The following PPIP5K2 variants were observed in gnomAD, a reference collection of about 807,000 sequenced individuals.
The protein encoded by PPIP5K2 is inositol hexakisphosphate and diphosphoinositol-pentakisphosphate kinase 2.
PPIP5K2 carries 105 observed loss-of-function variants against 154.6 expected under a neutral mutation model. The observed-to-expected ratio is 0.68, with a 90% CI of 0.58 to 0.80. The LOEUF (loss-of-function observed/expected upper bound fraction) is 0.80, where lower values mean the gene tolerates loss of function less well. Among genes scored for constraint, PPIP5K2 ranks in the 30% least tolerant of loss-of-function variants. The pLI is 0.00. For synonymous variants in PPIP5K2, 480 were observed against 490.3 expected (o/e 0.98, Z 0.28); for missense variants, 992 against 1,504.6 (o/e 0.66, Z 5.64).
chr5:103,151,738 CAG>C lies in PPIP5K2; in HGVS notation c.1028+367_1028+368del, dbSNP rs565418056. ...ACAAAATTAACATTCATGAAATAAA[CAG>C]AGTAAAATAGAAATATTTAGAATTC... is the stretch of plus-strand genomic sequence containing the variant. On this transcript the variant is annotated intron_variant, in intron 9 of 30. Transcript: ENST00000358359. Among the ~76,000 whole-genome samples, 173 of 152,050 alleles carry C rather than the reference CAG, an allele frequency of 1.1e-3. 1 individual carries two copies. Among genetic ancestry groups the C allele is most frequent in the Admixed American group, 2.0e-3 (30 of 15,296 alleles).
intron 1 of PPIP5K2, among the ~76,000 whole-genome samples, chr5:103,122,817 T>G (rs1230719295): frequency 1.3e-5 from 2 of 152,172 alleles, no homozygotes; most frequent in African/African-American, 4.8e-5. Context: ...CAGTGATGGC[T>G]TGGAAATATT....
At chr5:103,192,361 G>A (rs1801370480) in intron 29 of PPIP5K2, among the ~76,000 whole-genome samples, 1 of 152,070 alleles carries the variant, frequency 6.6e-6, no homozygotes, top group Non-Finnish European at 1.5e-5. Context: ...TCTATAACCT[G>A]CTAGAATGGA....
intron 30 of PPIP5K2, among the ~76,000 whole-genome samples, chr5:103,200,720 C>T (rs1241216743): frequency 6.6e-6 from 1 of 151,942 alleles, no homozygotes; most frequent in East Asian, 1.9e-4. Flanking sequence ...ACTGCAGCCT[C>T]AACCTATCAG....
intron 26 of PPIP5K2, 135 bp from the exon 27 acceptor site, chr5:103,186,185 A>G (rs1367902539): frequency 4.9e-6 from 5 of 1,014,092 alleles, no homozygotes; most frequent in Non-Finnish European, 4.4e-6. Flanking sequence ...TTACAAGAAT[A>G]TTGTGAGCCT....
chr5:103,149,072 T>C, intron 7 of PPIP5K2, 80 bp from the exon 8 acceptor site: 1 of 1,085,402 alleles, frequency 9.2e-7, no homozygotes, highest in East Asian at 3.0e-5. Flanking sequence ...AATTTTTTCA[T>C]TGTATTTGTT....
At chr5:103,176,046 G>A (rs1184911234) in intron 21 of PPIP5K2, among the ~76,000 whole-genome samples, 1 of 151,954 alleles carries the variant, frequency 6.6e-6, no homozygotes, top group Non-Finnish European at 1.5e-5. Flanking sequence ...AATGGATGGG[G>A]TAAAATCTTT....
At chr5:103,161,671 A>T (rs1350166578) in intron 17 of PPIP5K2, among the ~76,000 whole-genome samples, 1 of 152,156 alleles carries the variant, frequency 6.6e-6, no homozygotes, top group African/African-American at 2.4e-5. Context: ...GTGAGATGGT[A>T]TCTCATTGTG....
intron 23 of PPIP5K2, 148 bp downstream of exon 23, chr5:103,178,128 G>T: frequency 1.6e-6 from 1 of 614,474 alleles, no homozygotes; most frequent in Non-Finnish European, 2.9e-6. Context: ...AGTGTGATTT[G>T]TATAGACTGT....
intron 5 of PPIP5K2, among the ~76,000 whole-genome samples, chr5:103,145,771 G>C (rs1026471532): frequency 5.0e-5 from 7 of 140,344 alleles, no homozygotes; most frequent in African/African-American, 1.9e-4. Flanking sequence ...TAGTTAGTGA[G>C]TATAGCAACA....
At chr5:103,182,474 C>G (rs782419609) in intron 24 of PPIP5K2, among the ~76,000 whole-genome samples, 2 of 152,144 alleles carry the variant, frequency 1.3e-5, no homozygotes, top group Admixed American at 6.5e-5. Flanking sequence ...TCCATCATCT[C>G]CATGGATATA....
Position 103,204,455 on chromosome 5 carries a change from T to G in PPIP5K2, c.*2821T>G, listed in dbSNP as rs1277432316. 6.6e-6 allele frequency: 1 copy of G among 152,174 alleles called. No homozygotes were observed. Among genetic ancestry groups the G allele is most frequent in the Non-Finnish European group, 1.5e-5 (1 of 68,052 alleles). The allele number at this position is 152,174 out of a possible 1,614,324, so 9.4% of individuals were successfully genotyped here. The stretch of plus-strand genomic sequence containing the variant: ...AGAATTCTTGCCAGTGGGAACATTT[T>G]TCTTTTTTAGACAAGGTCTCATTCT... On this transcript the variant is annotated 3_prime_UTR_variant, in exon 31 of 31. Transcript: ENST00000358359.
At chr5:103,165,344 A>T (rs183109118) in intron 17 of PPIP5K2, among the ~76,000 whole-genome samples, 1 of 152,086 alleles carries the variant, frequency 6.6e-6, no homozygotes, top group Non-Finnish European at 1.5e-5. Flanking sequence ...CTCTGCAAAA[A>T]CTTAACTACC....
chr5:103,168,681 A>G (rs1261163855), intron 19 of PPIP5K2, among the ~76,000 whole-genome samples: 1 of 151,790 alleles, frequency 6.6e-6, no homozygotes, highest in Non-Finnish European at 1.5e-5. Context: ...ACATTGACAC[A>G]TCACCCAGAG....
At chr5:103,130,744 G>A (rs186810157) in intron 2 of PPIP5K2, among the ~76,000 whole-genome samples, 7 of 152,204 alleles carry the variant, frequency 4.6e-5, no homozygotes, top group Admixed American at 3.3e-4. Flanking sequence ...AAAGCAGAGC[G>A]TCTCTGGCTC....
intron 28 of PPIP5K2, 115 bp from the exon 29 acceptor site, chr5:103,190,727 T>C (rs1327615344): frequency 2.4e-6 from 2 of 846,956 alleles, no homozygotes; most frequent in Non-Finnish European, 3.4e-6. Flanking sequence ...TGTTTGCATG[T>C]GATAGACTGA....
chr5:103,136,913 A>G (rs1244634659), intron 4 of PPIP5K2, 91 bp downstream of exon 4: 4 of 883,424 alleles, frequency 4.5e-6, no homozygotes, highest in Non-Finnish European at 1.9e-6. Context: ...GTGTTTTTGC[A>G]TTATTAATTC....
At chr5:103,120,987 G>A (rs1434489780) in intron 1 of PPIP5K2, 1 of 154,532 alleles carries the variant, frequency 6.5e-6, no homozygotes, top group Non-Finnish European at 1.4e-5. Flanking sequence ...GCCGCACCTA[G>A]TCATTTGGAG....
rs1438026480 is a variant in PPIP5K2 at position 103,146,519 on chromosome 5, T to A, written c.488-8T>A. 1 of 1,607,406 alleles carries A rather than the reference T, an allele frequency of 6.2e-7. No homozygotes were observed. Among genetic ancestry groups the A allele is most frequent in the Non-Finnish European group, 8.5e-7 (1 of 1,177,412 alleles). On this transcript the variant is annotated splice_region_variant and splice_polypyrimidine_tract_variant and intron_variant, in intron 5 of 30. Coordinates refer to ENST00000358359, the MANE Select transcript of PPIP5K2 (RefSeq NM_001276277.3). ...GTGATATTTCTTGCAATCGTGTTTG[T>A]TTTATAGAATGTAATCTGATTGAAG...
chr5:103,122,061 C>T (rs1465423959), intron 1 of PPIP5K2, among the ~76,000 whole-genome samples: 1 of 152,058 alleles, frequency 6.6e-6, no homozygotes, highest in Non-Finnish European at 1.5e-5. Flanking sequence ...ATATCTAGTA[C>T]TTTCAAATGG....
Sources: gnomAD v4.1 joint callset for allele counts (sites outside exome capture counted in the v4.1 genomes callset) on GRCh38, gnomAD v4.1.1 for gene constraint, MANE v1.5 for transcripts, NCBI Gene and HGNC (gene_info 2026-07-23, HGNC 2026-07-21) for gene names.